Variants in ZFYVE9 observed in about 807,000 individuals in gnomAD.
ZFYVE9 encodes zinc finger FYVE-type containing 9.
A neutral mutation model predicts 126.7 loss-of-function variants in ZFYVE9; 43 were observed. That is an observed-to-expected ratio of 0.34 (90% CI 0.27 to 0.44). ZFYVE9 has a LOEUF of 0.44. Among genes scored for constraint, ZFYVE9 ranks in the 20% least tolerant of loss-of-function variants. The pLI is 1.00. For synonymous variants in ZFYVE9, 521 were observed against 597.4 expected (o/e 0.87, Z 1.87); for missense variants, 1,476 against 1,697.0 (o/e 0.87, Z 2.29).
intron 4 of ZFYVE9, among the ~76,000 whole-genome samples, chr1:52,249,994 A>G (rs1455021185): frequency 6.6e-6 from 1 of 152,138 alleles, no homozygotes; most frequent in African/African-American, 2.4e-5. Context: ...TAATGTCAGT[A>G]CCACATGGTT....
In ZFYVE9 at chr1:52,198,127, T is replaced by TTTG. The variant is rs1553123742; in HGVS notation, c.-142-18240_-142-18239insGTT. Among the ~76,000 whole-genome samples, 17 of 117,170 alleles carry TTTG rather than the reference T, an allele frequency of 1.5e-4. 1 individual carries two copies. Among genetic ancestry groups the TTTG allele is most frequent in the African/African-American group, 6.1e-4 (15 of 24,548 alleles). The allele number at this position is 117,170 out of a possible 152,430, so 76.9% of individuals were successfully genotyped here. A position where few individuals can be genotyped will look rare whatever the true frequency, so the allele number is the denominator to read the frequency against. On this transcript the variant is annotated intron_variant, in intron 1 of 18. Transcript: ENST00000287727. ...ATTGTAGTGTTTTTTTTTGTTTGTT[T>TTTG]TTTTTTTTTTTTGAGATGGAGTCTC...
chr1:52,180,856 T>C (rs973166200), intron 1 of ZFYVE9, among the ~76,000 whole-genome samples: 5 of 150,738 alleles, frequency 3.3e-5, no homozygotes, highest in African/African-American at 1.2e-4. Context: ...ATGCCTGTAA[T>C]CCCAGTTACT....
chr1:52,324,416 T>G (rs1646272001), intron 13 of ZFYVE9, among the ~76,000 whole-genome samples: 1 of 152,236 alleles, frequency 6.6e-6, no homozygotes, highest in African/African-American at 2.4e-5. Context: ...ATTTACATTT[T>G]TCTTAAAATT....
intron 1 of ZFYVE9, among the ~76,000 whole-genome samples, chr1:52,181,249 G>A (rs1644699168): frequency 6.6e-6 from 1 of 152,194 alleles, no homozygotes; most frequent in Non-Finnish European, 1.5e-5. Context: ...CGCCTGACTG[G>A]TTTTCGTATT....
chr1:52,171,482 C>G (rs1644568587), intron 1 of ZFYVE9, among the ~76,000 whole-genome samples: 1 of 152,132 alleles, frequency 6.6e-6, no homozygotes, highest in Non-Finnish European at 1.5e-5. Flanking sequence ...GTCTTTACAG[C>G]AGCATGATTT....
At chr1:52,195,176 TTC>T (rs1384498921) in intron 1 of ZFYVE9, among the ~76,000 whole-genome samples, 2 of 152,210 alleles carry the variant, frequency 1.3e-5, no homozygotes, top group African/African-American at 4.8e-5. Flanking sequence ...CTTTTTCTCT[TTC>T]TCTTTTCTTT....
At chr1:52,278,244 T>C (rs1351989258) in intron 8 of ZFYVE9, among the ~76,000 whole-genome samples, 1 of 152,226 alleles carries the variant, frequency 6.6e-6, no homozygotes, top group Non-Finnish European at 1.5e-5. Flanking sequence ...CACAAACCAC[T>C]GTGGGGAGAG....
At chr1:52,305,572 C>T (rs562963256) in intron 13 of ZFYVE9, among the ~76,000 whole-genome samples, 3 of 152,254 alleles carry the variant, frequency 2.0e-5, no homozygotes, top group South Asian at 2.1e-4. Context: ...CTGCATACTC[C>T]GTGGAGCCTG....
intron 11 of ZFYVE9, 136 bp downstream of exon 11, chr1:52,293,813 C>A: frequency 2.5e-6 from 2 of 789,904 alleles, no homozygotes; most frequent in Non-Finnish European, 2.0e-6. Flanking sequence ...CCAGTGTCTG[C>A]GTGTATTGGG....
At chr1:52,267,230 C>G (rs1350375634) in intron 6 of ZFYVE9, among the ~76,000 whole-genome samples, 1 of 152,156 alleles carries the variant, frequency 6.6e-6, no homozygotes, top group Non-Finnish European at 1.5e-5. Context: ...CCAGCCCATT[C>G]AAGTATTGCT....
intron 1 of ZFYVE9, among the ~76,000 whole-genome samples, chr1:52,191,337 A>G (rs376902019): frequency 1.7e-4 from 26 of 152,330 alleles, no homozygotes; most frequent in African/African-American, 6.3e-4. Flanking sequence ...CAGAGCCCAG[A>G]GATTTATTAA....
chr1:52,303,635 T>C lies in ZFYVE9; in HGVS notation c.3334-186T>C, dbSNP rs1428047287. 4.6e-5 allele frequency among the ~76,000 whole-genome samples: 7 copies of C among 152,236 alleles called. No homozygotes were observed. In the East Asian group the frequency reaches 7.7e-4, roughly 17 times the overall value. On this transcript the variant is annotated intron_variant, in intron 12 of 18. Transcript: ENST00000287727. The stretch of plus-strand genomic sequence containing the variant: ...TATATGATAATGTTTGGTTTACTTA[T>C]AAGAGTTTAAAGACTAAAGAGCTAA...
intron 1 of ZFYVE9, among the ~76,000 whole-genome samples, chr1:52,173,695 A>G (rs1644594384): frequency 6.6e-6 from 1 of 152,144 alleles, no homozygotes; most frequent in Non-Finnish European, 1.5e-5. Flanking sequence ...TTATTGGTCT[A>G]TTCAGAGATT....
intron 1 of ZFYVE9, among the ~76,000 whole-genome samples, chr1:52,168,713 C>T (rs1388311958): frequency 6.6e-6 from 1 of 151,752 alleles, no homozygotes; most frequent in Non-Finnish European, 1.5e-5. Context: ...ACAAGGTCTT[C>T]CTATGTTGTC....
chr1:52,190,967 C>A (rs1644811220), intron 1 of ZFYVE9, among the ~76,000 whole-genome samples: 1 of 151,970 alleles, frequency 6.6e-6, no homozygotes, highest in Non-Finnish European at 1.5e-5. Flanking sequence ...TCCTTCCTTC[C>A]TTCCTTCAGC....
At chr1:52,150,988 T>C (rs1346820404) in intron 1 of ZFYVE9, among the ~76,000 whole-genome samples, 1 of 148,066 alleles carries the variant, frequency 6.8e-6, no homozygotes, top group Non-Finnish European at 1.5e-5. Context: ...GTGATAATTG[T>C]CTTTTTTTTT....
Position 52,322,844 on chromosome 1 carries a change from G to A in ZFYVE9, c.3439-9924G>A, listed in dbSNP as rs973176182. ...TTTGGAGACAGAGTCTCGCTCTATC[G>A]CCCAGGCTGGAGTGCAGTGGCGCGA... On this transcript the variant is annotated intron_variant, in intron 13 of 18. Coordinates refer to ENST00000287727, the MANE Select transcript of ZFYVE9 (RefSeq NM_004799.4). Among the ~76,000 whole-genome samples the A allele has an allele frequency of 3.9e-4, 59 of 151,254 alleles. No homozygotes were observed. In the South Asian group the frequency reaches 5.9e-3, roughly 15 times the overall value.
intron 13 of ZFYVE9, among the ~76,000 whole-genome samples, chr1:52,324,647 T>A (rs1184604395): frequency 6.6e-6 from 1 of 152,220 alleles, no homozygotes; most frequent in African/African-American, 2.4e-5. Context: ...TTCTGTAACA[T>A]GCACAGGATG....
chr1:52,205,247 G>A (rs1276270356), intron 1 of ZFYVE9, among the ~76,000 whole-genome samples: 2 of 151,492 alleles, frequency 1.3e-5, no homozygotes, highest in Non-Finnish European at 2.9e-5. Context: ...GCCTATTTTT[G>A]TATTTTTTGT....
Sources: gnomAD v4.1 joint callset for allele counts (sites outside exome capture counted in the v4.1 genomes callset) on GRCh38, gnomAD v4.1.1 for gene constraint, MANE v1.5 for transcripts, NCBI Gene and HGNC (gene_info 2026-07-23, HGNC 2026-07-21) for gene names.